The following KIF26B variants were observed in gnomAD, a reference collection of about 807,000 sequenced individuals.
The protein encoded by KIF26B is kinesin-like protein KIF26B.
In KIF26B, 63 loss-of-function variants were observed where a neutral mutation model predicts 151.2. The observed-to-expected ratio is 0.42, with a 90% CI of 0.34 to 0.51. KIF26B has a LOEUF of 0.51. KIF26B is among the 20% of genes least tolerant of loss of function. The probability of loss-of-function intolerance (pLI) is 0.07; values close to 1 mark genes in which losing one functional copy is unlikely to be tolerated. For synonymous variants in KIF26B, 1,357 were observed against 1,262.1 expected (o/e 1.08, Z -1.59); for missense variants, 2,813 against 2,913.6 (o/e 0.97, Z 0.79).
At chr1:245,615,716 A>C (rs2103157937) in intron 9 of KIF26B, among the ~76,000 whole-genome samples, 1 of 152,348 alleles carries the variant, frequency 6.6e-6, no homozygotes, top group East Asian at 1.9e-4. Flanking sequence ...GTGGATGAGA[A>C]CAAAGAAGGG....
chr1:245,219,692 C>T (rs972925335), intron 2 of KIF26B, among the ~76,000 whole-genome samples: 3 of 152,132 alleles, frequency 2.0e-5, no homozygotes, highest in South Asian at 2.1e-4. Context: ...TGTGATTGCA[C>T]CGCTGCACTC....
At chr1:245,551,071 C>T (rs1483587200) in intron 5 of KIF26B, among the ~76,000 whole-genome samples, 1 of 152,126 alleles carries the variant, frequency 6.6e-6, no homozygotes, top group African/African-American at 2.4e-5. Flanking sequence ...TTTTAGACAG[C>T]GTCTTCCTTC....
At chr1:245,694,134 G>A (rs1473860605) in intron 12 of KIF26B, among the ~76,000 whole-genome samples, 2 of 152,204 alleles carry the variant, frequency 1.3e-5, no homozygotes, top group Non-Finnish European at 2.9e-5. Context: ...AGAGCTTTGT[G>A]GCCCTGGAGA....
chr1:245,444,945 G>A (rs1310781648), intron 4 of KIF26B, among the ~76,000 whole-genome samples: 2 of 152,148 alleles, frequency 1.3e-5, no homozygotes, highest in Non-Finnish European at 2.9e-5. Context: ...CATTTTAAGT[G>A]GAAACAGATT....
In KIF26B at chr1:245,240,618, C is replaced by T. The variant is rs140277550; in HGVS notation, c.465+83935C>T. 5.6e-4 allele frequency among the ~76,000 whole-genome samples: 85 copies of T among 152,034 alleles called. 1 individual carries two copies. The highest frequency in any genetic ancestry group is 1.8e-3 in the African/African-American group (73 of 41,450). On this transcript the variant is annotated intron_variant, in intron 2 of 14. Transcript: ENST00000407071. ...AATTTCAAAAAGGTAGGAGGGGGCT[C>T]GTGATATATTAACATTTTTACCAAA...
At chr1:245,213,222 C>T (rs1263047862) in intron 2 of KIF26B, among the ~76,000 whole-genome samples, 1 of 152,152 alleles carries the variant, frequency 6.6e-6, no homozygotes, top group African/African-American at 2.4e-5. Flanking sequence ...CACAATTAAC[C>T]CCAAAAGACA....
intron 3 of KIF26B, among the ~76,000 whole-genome samples, chr1:245,397,741 G>T (rs1673882793): frequency 6.6e-6 from 1 of 152,226 alleles, no homozygotes. Flanking sequence ...GAACATGCCA[G>T]TGTCTTCAAA....
At chr1:245,210,334 C>T (rs1038096590) in intron 2 of KIF26B, among the ~76,000 whole-genome samples, 11 of 152,172 alleles carry the variant, frequency 7.2e-5, no homozygotes, top group South Asian at 6.2e-4. Flanking sequence ...GGGACCACCC[C>T]GCACAGGCCC....
At chr1:245,337,134 TTTTATTTATTTA>T (rs59391704) in intron 2 of KIF26B, among the ~76,000 whole-genome samples, 17,350 of 148,138 alleles carry the variant, frequency 0.12, 1,826 homozygotes, top group African/African-American at 0.28. Flanking sequence ...CATTTAGAAG[TTTTATTTATTTA>T]TTTATTTATT....
intron 4 of KIF26B, among the ~76,000 whole-genome samples, chr1:245,474,101 C>T (rs1363272562): frequency 8.0e-6 from 1 of 124,404 alleles, no homozygotes; most frequent in Non-Finnish European, 1.6e-5. Context: ...ATCTGTCAAA[C>T]AGTAGGTCCT....
At chr1:245,243,601 A>G (rs946212963) in intron 2 of KIF26B, among the ~76,000 whole-genome samples, 2 of 152,176 alleles carry the variant, frequency 1.3e-5, no homozygotes, top group African/African-American at 4.8e-5. Context: ...TTTAACTTCA[A>G]TAAAGCCAAA....
chr1:245,312,015 C>T (rs1275135713), intron 2 of KIF26B, among the ~76,000 whole-genome samples: 1 of 152,230 alleles, frequency 6.6e-6, no homozygotes, highest in Non-Finnish European at 1.5e-5. Flanking sequence ...AGATTGAAGA[C>T]CTCCTCCGGG....
rs186882675 is a variant in KIF26B, at chr1:245,239,198, C to G, written c.465+82515C>G. 1.3e-5 allele frequency among the ~76,000 whole-genome samples: 2 copies of G among 152,146 alleles called. No homozygotes were observed. The highest frequency in any genetic ancestry group is 4.8e-5 in the African/African-American group (2 of 41,434). On this transcript the variant is annotated intron_variant, in intron 2 of 14. Transcript: ENST00000407071. This position sits in a 1 kb window ranked among gnomAD's most constrained non-coding sequence, Gnocchi z 4.3. ...ACATGGGCAGGAGTTAACGCGTCCT[C>G]CAGAGAATGCCTCCATGTTCTTCCG...
chr1:245,658,669 G>A (rs1225983001), intron 10 of KIF26B, among the ~76,000 whole-genome samples: 2 of 152,104 alleles, frequency 1.3e-5, no homozygotes, highest in Admixed American at 1.3e-4. Flanking sequence ...TGGGATTACA[G>A]GTGGGAGCCA....
intron 2 of KIF26B, among the ~76,000 whole-genome samples, chr1:245,219,162 G>A (rs535696092): frequency 1.2e-4 from 12 of 96,654 alleles, no homozygotes; most frequent in Non-Finnish European, 2.0e-4. Flanking sequence ...TTTTTGAGAC[G>A]GAGTCTTGCT....
At position 245,299,390 on chromosome 1, in the gene KIF26B, T is replaced by C. The variant is rs190399444; in HGVS notation, c.466-67444T>C. Among the ~76,000 whole-genome samples, 3 of 150,316 alleles carry C rather than the reference T, an allele frequency of 2.0e-5. No individual in the cohort carries two copies. In the East Asian group the frequency reaches 5.9e-4, roughly 29 times the overall value. ...TGGGTTGTAAAAGGATAAAGGATAATTTCTGATGTCGTGCCAGCTTTTCCT... is the reference window on the plus strand; with the variant it reads ...TGGGTTGTAAAAGGATAAAGGATAACTTCTGATGTCGTGCCAGCTTTTCCT... On this transcript the variant is annotated intron_variant, in intron 2 of 14. Transcript: ENST00000407071.
chr1:245,220,082 C>T (rs1669733207), intron 2 of KIF26B, among the ~76,000 whole-genome samples: 1 of 152,116 alleles, frequency 6.6e-6, no homozygotes, highest in African/African-American at 2.4e-5. Context: ...CTGGGTGTTT[C>T]CAGGAGAGCT....
chr1:245,442,483 T>G lies in KIF26B; in HGVS notation c.1166+22738T>G, dbSNP rs188027524. Among the ~76,000 whole-genome samples, 11 of 152,234 alleles carry G rather than the reference T, an allele frequency of 7.2e-5. No individual in the cohort carries two copies. The East Asian group carries it at 2.1e-3, about 29-fold the overall frequency. The stretch of plus-strand genomic sequence containing the variant: ...AAGTGATTTATTAAGAATGTGGTCC[T>G]CAGGGAAACTGGGAAGGGAGTAAAG... On this transcript the variant is annotated intron_variant, in intron 4 of 14. Transcript: ENST00000407071.
At chr1:245,446,108 C>T (rs1659243411) in intron 4 of KIF26B, among the ~76,000 whole-genome samples, 1 of 152,162 alleles carries the variant, frequency 6.6e-6, no homozygotes, top group African/African-American at 2.4e-5. Flanking sequence ...AATGGTGTAG[C>T]CTACTGCACA....
Sources: allele counts gnomAD v4.1 joint callset (sites outside exome capture counted in the v4.1 genomes callset), GRCh38; gene constraint gnomAD v4.1.1; non-coding constraint Gnocchi (gnomAD v3.1); transcripts MANE v1.5; gene names NCBI Gene and HGNC (gene_info 2026-07-23, HGNC 2026-07-21).